The following HIPK3 variants were observed in gnomAD, a reference collection of about 807,000 sequenced individuals.
HIPK3 encodes homeodomain interacting protein kinase 3.
Under a neutral mutation model 124.2 loss-of-function variants are expected in HIPK3, and 47 were observed. The ratio of observed to expected loss-of-function variants is 0.38; its 90% confidence interval spans 0.30 to 0.48. HIPK3 has a LOEUF of 0.48. Among genes scored for constraint, HIPK3 ranks in the 20% least tolerant of loss-of-function variants. The probability of loss-of-function intolerance (pLI) is 0.98; values close to 1 mark genes in which losing one functional copy is unlikely to be tolerated. For synonymous variants in HIPK3, 482 were observed against 515.2 expected, an observed-to-expected ratio of 0.94 and a Z score of 0.87; for missense variants, 1,286 against 1,454.3, an observed-to-expected ratio of 0.88 and a Z score of 1.88.
At position 33,347,367 on chromosome 11, in the gene HIPK3, G is replaced by A. The variant is rs77834200; in HGVS notation, c.1972G>A (p.Ala658Thr). Reference sequence around the variant, plus strand: ...TAATACAGTTCCACTTGTAACTCAGGCCCCAGCTGTGCAGCCACTACAGAT... The same window carrying A: ...TAATACAGTTCCACTTGTAACTCAGACCCCAGCTGTGCAGCCACTACAGAT... ...VDNTVPLVTQAPAVQPLQIRP... is the reference protein window; with the variant it reads ...VDNTVPLVTQTPAVQPLQIRP... The change falls in exon 9 of 17, where the codon GCC becomes ACC. Residue 658 changes from alanine to threonine, a missense_variant. Physicochemically the swap from Ala to Thr is moderately conservative, Grantham distance 58. This residue lies in a region of HIPK3 where 810 missense variants were observed against 864.9 expected (regional missense o/e 0.94). Coordinates refer to ENST00000303296, the MANE Select transcript of HIPK3 (RefSeq NM_005734.5). 2 of 1,613,948 alleles carry A rather than the reference G, an allele frequency of 1.2e-6. No homozygotes were observed. Among genetic ancestry groups the A allele is most frequent in the East Asian group, 4.5e-5 (2 of 44,868 alleles).
Position 33,287,270 on chromosome 11 carries a change from C to T in HIPK3, c.856C>T (p.Leu286=). ...EMLEQNLYDF[L]KQNKFSPLPL... is the part of the protein sequence containing the mutation. Reference sequence around the variant, plus strand: ...GCTGGAACAAAACTTGTATGACTTTCTGAAACAAAATAAATTTAGTCCCCT... The same window carrying T: ...GCTGGAACAAAACTTGTATGACTTTTTGAAACAAAATAAATTTAGTCCCCT... Residue 286 remains leucine, a synonymous_variant, in exon 2 of 17, where the codon CTG becomes TTG. Coordinates refer to ENST00000303296, the MANE Select transcript of HIPK3 (RefSeq NM_005734.5). The T allele has an allele frequency of 6.2e-7, 1 of 1,614,036 alleles. No individual in the cohort carries two copies. Among genetic ancestry groups the T allele is most frequent in the Non-Finnish European group, 8.5e-7 (1 of 1,180,004 alleles).
intron 1 of HIPK3, among the ~76,000 whole-genome samples, chr11:33,262,458 A>G (rs1462998891): frequency 6.6e-6 from 1 of 152,254 alleles, no homozygotes; most frequent in Non-Finnish European, 1.5e-5. Context: ...TACTAAACAA[A>G]GGCAGCATAT....
At position 33,257,410 on chromosome 11, in the gene HIPK3, G is replaced by T; in HGVS notation, c.-482G>T. 3.0e-6 allele frequency: 3 copies of T among 985,194 alleles called. No homozygotes were observed. Among genetic ancestry groups the T allele is most frequent in the Non-Finnish European group, 3.6e-6 (3 of 829,810 alleles). The allele number at this position is 985,194 out of a possible 1,614,324, so 61.0% of individuals were successfully genotyped here. On this transcript the variant is annotated 5_prime_UTR_variant, in exon 1 of 17. Coordinates refer to ENST00000303296, the MANE Select transcript of HIPK3 (RefSeq NM_005734.5). ...GCAGCTGCCTCAGTGACGACTGCCG[G>T]CATCGCGGCGACCTGAGGAGATCAA...
intron 6 of HIPK3, 33 bp downstream of exon 6, chr11:33,339,567 T>C (rs956254148): frequency 2.9e-6 from 4 of 1,365,112 alleles, no homozygotes; most frequent in Non-Finnish European, 4.0e-6. Context: ...AAAGTGGTTC[T>C]AAAAAAAAAT....
intron 2 of HIPK3, among the ~76,000 whole-genome samples, chr11:33,311,547 C>T (rs987859727): frequency 3.3e-5 from 5 of 152,000 alleles, no homozygotes; most frequent in Non-Finnish European, 5.9e-5. Flanking sequence ...AAAAACTGAG[C>T]AGAAAGTACT....
chr11:33,334,987 T>C (rs1172610943), intron 3 of HIPK3, among the ~76,000 whole-genome samples: 2 of 151,960 alleles, frequency 1.3e-5, no homozygotes, highest in Non-Finnish European at 2.9e-5. Context: ...TTGTGAAAAA[T>C]GTTAATGAAG....
chr11:33,352,114 C>CT, intron 15 of HIPK3, 24 bp from the exon 16 acceptor site: 2 of 1,604,282 alleles, frequency 1.2e-6, no homozygotes, highest in East Asian at 2.2e-5. Flanking sequence ...AGCATAAACT[C>CT]TTTAATATTT....
At chr11:33,331,657 G>C (rs1219133944) in intron 3 of HIPK3, among the ~76,000 whole-genome samples, 1 of 152,196 alleles carries the variant, frequency 6.6e-6, no homozygotes, top group Admixed American at 6.5e-5. Flanking sequence ...GGGATTACAG[G>C]TGTGAGCCAC....
In HIPK3 at chr11:33,355,482, A is replaced by T. The variant is rs1853790979; in HGVS notation, c.*1914A>T. 6.6e-6 allele frequency: 1 copy of T among 152,020 alleles called. No homozygotes were observed. Among genetic ancestry groups the T allele is most frequent in the Non-Finnish European group, 1.5e-5 (1 of 67,896 alleles). The allele number at this position is 152,020 out of a possible 1,614,324, so 9.4% of individuals were successfully genotyped here. A position where few individuals can be genotyped will look rare whatever the true frequency, so the allele number is the denominator to read the frequency against. ...AAAATCTGGAATATAATCTTACAGC[A>T]TTTACTGGAATAAACAGTACAAAGC... On this transcript the variant is annotated 3_prime_UTR_variant, in exon 17 of 17. Transcript: ENST00000303296.
At chr11:33,319,695 A>G (rs1267290387) in intron 2 of HIPK3, among the ~76,000 whole-genome samples, 1 of 152,164 alleles carries the variant, frequency 6.6e-6, no homozygotes, top group African/African-American at 2.4e-5. Context: ...GATGTATGCT[A>G]TTAGCTTTTG....
At chr11:33,267,747 C>G (rs898313348) in intron 1 of HIPK3, among the ~76,000 whole-genome samples, 4 of 149,138 alleles carry the variant, frequency 2.7e-5, no homozygotes, top group Admixed American at 6.7e-5. Flanking sequence ...CCGCCCGCCT[C>G]GGCCTCCCAA....
intron 1 of HIPK3, among the ~76,000 whole-genome samples, chr11:33,285,481 G>A (rs551146828): frequency 8.2e-4 from 125 of 151,698 alleles, no homozygotes; most frequent in Non-Finnish European, 1.4e-3. Context: ...TTAGTAAATA[G>A]AATGTAGCAT....
chr11:33,285,330 A>T (rs1851518113), intron 1 of HIPK3, among the ~76,000 whole-genome samples: 1 of 130 alleles, frequency 7.7e-3, no homozygotes, highest in African/African-American at 0.011. Flanking sequence ...AATATTTTCC[A>T]ATATATTTGG....
intron 2 of HIPK3, among the ~76,000 whole-genome samples, chr11:33,322,202 T>G (rs951247919): frequency 7.2e-5 from 11 of 152,042 alleles, no homozygotes; most frequent in African/African-American, 2.7e-4. Flanking sequence ...GGTTTCACCG[T>G]GTTAGCCAGG....
At position 33,356,679 on chromosome 11, in the gene HIPK3, T is replaced by A. The variant is rs1853826041; in HGVS notation, c.*3111T>A. On this transcript the variant is annotated 3_prime_UTR_variant, in exon 17 of 17. Coordinates refer to ENST00000303296, the MANE Select transcript of HIPK3 (RefSeq NM_005734.5). ...ATGAATCCAATGATACAGATTTGAT[T>A]ACTAAGTTTGAACTGTTAATTGTTT... 2 of 152,140 alleles carry A rather than the reference T, an allele frequency of 1.3e-5. No individual in the cohort carries two copies. The highest frequency in any genetic ancestry group is 4.8e-5 in the African/African-American group (2 of 41,444). 9.4% of individuals were successfully genotyped at this position (152,140 alleles called of 1,614,324 possible). A position where few individuals can be genotyped will look rare whatever the true frequency, so the allele number is the denominator to read the frequency against.
At chr11:33,339,296 A>G in intron 5 of HIPK3, 54 bp from the exon 6 acceptor site, 1 of 1,370,126 alleles carries the variant, frequency 7.3e-7, no homozygotes. Flanking sequence ...TGGAATTTAT[A>G]CTACTCTCTG....
At chr11:33,295,306 C>T (rs1050047639) in intron 2 of HIPK3, among the ~76,000 whole-genome samples, 3 of 151,232 alleles carry the variant, frequency 2.0e-5, no homozygotes, top group Admixed American at 1.3e-4. Flanking sequence ...ACCCCATCCC[C>T]GCCCATGGCA....
rs551699789 is a variant in HIPK3, at chr11:33,310,427, C to T, written c.1098-18083C>T. Among the ~76,000 whole-genome samples, 8 of 152,200 alleles carry T rather than the reference C, an allele frequency of 5.3e-5. No individual in the cohort carries two copies. The East Asian group carries it at 1.5e-3, about 29-fold the overall frequency. ...TTCAAGTGATTCTCCTGCCTCTCAGCCTCCTGAGTAGCTGGGATTACAGGT... is the reference window on the plus strand; with the variant it reads ...TTCAAGTGATTCTCCTGCCTCTCAGTCTCCTGAGTAGCTGGGATTACAGGT... On this transcript the variant is annotated intron_variant, in intron 2 of 16. Coordinates refer to ENST00000303296, the MANE Select transcript of HIPK3 (RefSeq NM_005734.5).
In HIPK3 at chr11:33,270,259, C is replaced by T. The variant is rs185161318; in HGVS notation, c.-3+12370C>T. ...CCTCCTGAAGTGCTGGGATTACAGG[C>T]GTGAGCCACCATGCCTGGCCTGCCT... On this transcript the variant is annotated intron_variant, in intron 1 of 16. Transcript: ENST00000303296. 5.9e-5 allele frequency among the ~76,000 whole-genome samples: 9 copies of T among 152,264 alleles called. No individual in the cohort carries two copies. The East Asian group carries it at 1.4e-3, about 23-fold the overall frequency.
Sources: allele counts gnomAD v4.1 joint callset (sites outside exome capture counted in the v4.1 genomes callset), GRCh38; gene constraint gnomAD v4.1.1; regional missense constraint gnomAD v4.1.1; transcripts MANE v1.5; gene names NCBI Gene and HGNC (gene_info 2026-07-23, HGNC 2026-07-21).